Variants in ADAD2 observed in about 807,000 individuals in gnomAD.
The protein encoded by ADAD2 is adenosine deaminase domain containing 2, also known as adenosine deaminase domain-containing protein 2.
ADAD2 carries 60 observed loss-of-function variants against 54.5 expected under a neutral mutation model. That is an observed-to-expected ratio of 1.10 (90% CI 0.89 to 1.36). The LOEUF (loss-of-function observed/expected upper bound fraction) is 1.36. Ranked by LOEUF, ADAD2 falls within the 40% of genes most tolerant of loss-of-function variation. The probability of loss-of-function intolerance (pLI) is 0.00; values close to 1 mark genes in which losing one functional copy is unlikely to be tolerated. For synonymous variants in ADAD2, 543 were observed against 366.2 expected (o/e 1.48, Z -5.51); for missense variants, 1,103 against 801.3 (o/e 1.38, Z -4.54).
rs1310108989 is a variant in ADAD2, at chr16:84,196,035, C to A, written c.1273C>A (p.Leu425Ile). 3 of 1,599,172 alleles carry A rather than the reference C, an allele frequency of 1.9e-6. No individual in the cohort carries two copies. The highest frequency in any genetic ancestry group is 2.5e-6 in the Non-Finnish European group (3 of 1,179,864). Residue 425 changes from leucine to isoleucine, a missense_variant, in exon 7 of 10, where the codon CTC becomes ATC. Physicochemically the swap from Leu to Ile is conservative, Grantham distance 5. Transcript: ENST00000315906. ...HLVSPLYSTSLILADSCHDPP... is the reference protein window; with the variant it reads ...HLVSPLYSTSIILADSCHDPP... ...GGTGTCCCCACTCTACAGCACCAGC[C>A]TCATCCTGGGTGAGCACGTGGTGAG...
chr16:84,191,769 G>T (rs1014337653), intron 1 of ADAD2, 121 bp downstream of exon 1: 1 of 1,414,846 alleles, frequency 7.1e-7, no homozygotes. Context: ...CAGAGACACC[G>T]CCGGAGCAGG....
chr16:84,196,150 A>C lies in ADAD2; in HGVS notation c.1306A>C (p.Thr436Pro). The C allele has an allele frequency of 6.2e-7, 1 of 1,603,674 alleles. No homozygotes were observed. The change falls in exon 8 of 10, where the codon ACT (threonine) becomes CCT (proline). Residue 436 changes from threonine (T) to proline (P), a missense_variant. Transcript: ENST00000315906. Reference sequence around the variant, plus strand: ...AGCTGACTCATGCCACGACCCTCCGACTCTGAGCAGGGCCATCCACACCCG... The same window carrying C: ...AGCTGACTCATGCCACGACCCTCCGCCTCTGAGCAGGGCCATCCACACCCG... ...ILADSCHDPP[T>P]LSRAIHTRPC... is the part of the protein sequence containing the mutation.
At chr16:84,193,797 T>G (rs1177637718) in intron 1 of ADAD2, 2 of 504,604 alleles carry the variant, frequency 4.0e-6, no homozygotes, top group Non-Finnish European at 7.0e-6. Flanking sequence ...GATGCCTGTT[T>G]AGAGCAGACA....
intron 1 of ADAD2, 178 bp downstream of exon 1, chr16:84,191,826 C>G: frequency 1.1e-6 from 1 of 894,330 alleles, no homozygotes; most frequent in Non-Finnish European, 1.8e-6. Flanking sequence ...CTGTGAGCAG[C>G]GATCTCCAAG....
chr16:84,196,476 AACCCCTTC>A (rs770359859), intron 8 of ADAD2, 106 bp downstream of exon 8: 583,049 of 1,545,340 alleles, frequency 0.38, 114,232 homozygotes, highest in African/African-American at 0.62. Context: ...CCCTTCGCTC[AACCCCTTC>A]GCTCAACCCC....
At chr16:84,191,782 C>G in intron 1 of ADAD2, 134 bp downstream of exon 1, 4 of 1,351,052 alleles carry the variant, frequency 3.0e-6, no homozygotes, top group African/African-American at 1.4e-5. Flanking sequence ...GGAGCAGGAC[C>G]TGGCCTGAGC....
chr16:84,191,682 G>A (rs1179497558), intron 1 of ADAD2, 34 bp downstream of exon 1: 2 of 1,548,526 alleles, frequency 1.3e-6, no homozygotes, highest in African/African-American at 1.4e-5. Flanking sequence ...TGTGCCAGAG[G>A]GCAGAGCCAC....
At chr16:84,195,235 G>A in intron 4 of ADAD2, 41 bp downstream of exon 4, 4 of 1,610,362 alleles carry the variant, frequency 2.5e-6, no homozygotes, top group Non-Finnish European at 3.4e-6. Context: ...CCGGCCCCCT[G>A]GGAAGGGCCC....
Position 84,194,963 on chromosome 16 carries a change from TG to T in ADAD2, c.592del (p.Ala198ProfsTer3), listed in dbSNP as rs2089707179. 6.2e-7 allele frequency: 1 copy of T among 1,612,368 alleles called. No homozygotes were observed. Among genetic ancestry groups the T allele is most frequent in the East Asian group, 2.2e-5 (1 of 44,836 alleles). On this transcript the variant is annotated frameshift_variant, in exon 3 of 10. Transcript: ENST00000315906. LOFTEE classifies it high-confidence loss of function. Reference sequence around the variant, plus strand: ...CCCCAGACCTCCAGCCGGCCTCCACTGGCCCCCCTGAGCGTAGGTAGGTGAG... The same window carrying T: ...CCCCAGACCTCCAGCCGGCCTCCACTGCCCCCCTGAGCGTAGGTAGGTGAG... ...ESPQTSSRPP[L>X]APLSVENILT...
In ADAD2 at chr16:84,191,630, CG is replaced by C; in HGVS notation, c.403del (p.Glu135ArgfsTer13). 1 of 1,556,486 alleles carries C rather than the reference CG, an allele frequency of 6.4e-7. No individual in the cohort carries two copies. Among genetic ancestry groups the C allele is most frequent in the South Asian group, 1.2e-5 (1 of 84,648 alleles). The part of the protein sequence containing the change: ...AASLGIFLLF[R>X]EDQPPGPCFP... ...CAGCCTGGGCATCTTCCTGCTCTTC[CG>C]GGAGGACCAGCCACCAGGTGAGGCC... On this transcript the variant is annotated frameshift_variant, in exon 1 of 10. Transcript: ENST00000315906. LOFTEE classifies it high-confidence loss of function.
chr16:84,193,659 T>C (rs1467786919), intron 1 of ADAD2: 2 of 205,836 alleles, frequency 9.7e-6, no homozygotes, highest in Admixed American at 5.2e-5. Flanking sequence ...TATAACATTG[T>C]CACTTGTGGT....
rs2089647575 is a variant in ADAD2, at chr16:84,191,322, C to T, written c.92C>T (p.Pro31Leu). 1 of 1,585,882 alleles carries T rather than the reference C, an allele frequency of 6.3e-7. No homozygotes were observed. The highest frequency in any genetic ancestry group is 8.6e-7 in the Non-Finnish European group (1 of 1,166,092). Residue 31 changes from proline (P) to leucine (L), a missense_variant, in exon 1 of 10, where the codon CCC becomes CTC. Coordinates refer to ENST00000315906, the MANE Select transcript of ADAD2 (RefSeq NM_001145400.2). ...ASLQISPQPR[P>L]WRPLPAQAQS... is the part of the protein sequence containing the mutation. ...TTGCAGATCAGCCCCCAGCCCCGCC[C>T]CTGGCGACCGCTACCCGCCCAGGCC...
Position 84,196,728 on chromosome 16 carries a change from G to A in ADAD2, c.1608G>A (p.Lys536=), listed in dbSNP as rs1185555028. ...ACCAGGCGGCCAGGGCTGTGGGGAA[G>A]CCCTACCTCCTGGCCTTGAAGACCT... ...AFHQAARAVG[K]PYLLALKTYE... is the part of the protein sequence containing the mutation. The change falls in exon 9 of 10, where the codon AAG becomes AAA. Residue 536 remains lysine, a synonymous_variant. Transcript: ENST00000315906. 2 of 1,612,874 alleles carry A rather than the reference G, an allele frequency of 1.2e-6. No individual in the cohort carries two copies. Among genetic ancestry groups the A allele is most frequent in the Non-Finnish European group, 8.5e-7 (1 of 1,179,952 alleles).
At position 84,195,560 on chromosome 16, in the gene ADAD2, A is replaced by G. The variant is rs764892126; in HGVS notation, c.915A>G (p.Thr305=). 6 of 1,598,968 alleles carry G rather than the reference A, an allele frequency of 3.8e-6. No homozygotes were observed. The part of the protein sequence containing the change: ...RFLFRQLLLA[T]QGGPKGKEQS... ...TGTTCCGGCAGCTCCTGCTGGCCAC[A>G]CAGGGGGGCCCCAAGGGCAAGGAGC... is the stretch of plus-strand genomic sequence containing the variant. Residue 305 remains threonine, a synonymous_variant, in exon 6 of 10, where the codon ACA becomes ACG. Transcript: ENST00000315906.
In ADAD2 at chr16:84,195,841, TCCCGCACAGCCCACCCATGCG is replaced by T. The variant is rs2089721912; in HGVS notation, c.1082_1102del (p.Pro361_Arg367del). The T allele has an allele frequency of 6.2e-7, 1 of 1,606,722 alleles. No individual in the cohort carries two copies. Among genetic ancestry groups the T allele is most frequent in the Admixed American group, 1.7e-5 (1 of 59,744 alleles). On this transcript the variant is annotated inframe_deletion, in exon 7 of 10. Coordinates refer to ENST00000315906, the MANE Select transcript of ADAD2 (RefSeq NM_001145400.2). The stretch of plus-strand genomic sequence containing the variant: ...CTGCCCCCCACCTCGGAAGGTGGCC[TCCCGCACAGCCCACCCATGCG>T]CCTGCAGGCCCATGTGCTCGGGCAG...
intron 2 of ADAD2, 72 bp from the exon 3 acceptor site, chr16:84,194,861 C>T (rs540610433): frequency 4.0e-6 from 6 of 1,505,452 alleles, no homozygotes; most frequent in South Asian, 2.6e-5. Context: ...CTCTCCCCGC[C>T]TCCTTGGCTT....
At chr16:84,193,948 A>T in intron 1 of ADAD2, 1 of 1,475,436 alleles carries the variant, frequency 6.8e-7, no homozygotes. Flanking sequence ...TCCCAGTTCC[A>T]GATTTTTCAT....
chr16:84,196,106 C>T (rs1240575562), intron 7 of ADAD2, 21 bp from the exon 8 acceptor site: 1 of 1,600,604 alleles, frequency 6.2e-7, no homozygotes, highest in Admixed American at 1.7e-5. Context: ...CTCACCTTGT[C>T]CTGTCCCTTC....
intron 1 of ADAD2, 151 bp from the exon 2 acceptor site, chr16:84,194,291 G>C: frequency 6.5e-7 from 1 of 1,549,492 alleles, no homozygotes; most frequent in Non-Finnish European, 8.7e-7. Context: ...GCGGCATGGG[G>C]TGGCGATGGA....
Sources: allele counts gnomAD v4.1 joint callset, GRCh38; gene constraint gnomAD v4.1.1; transcripts MANE v1.5; gene names NCBI Gene and HGNC (gene_info 2026-07-23, HGNC 2026-07-21).